The following MAN2A2 variants were observed in gnomAD, a reference collection of about 807,000 sequenced individuals.
MAN2A2 encodes mannosidase alpha class 2A member 2, also known as alpha-mannosidase 2x.
In MAN2A2, 79 loss-of-function variants were observed where a neutral mutation model predicts 126.8. That is an observed-to-expected ratio of 0.62 (90% CI 0.52 to 0.75). The LOEUF is 0.75. Among genes scored for constraint, MAN2A2 ranks in the 30% least tolerant of loss-of-function variants. The pLI is 0.00. For missense variants in MAN2A2, 1,392 were observed against 1,522.4 expected (o/e 0.91, Z 1.43); for synonymous variants, 671 against 618.7 (o/e 1.08, Z -1.25).
Position 90,918,741 on chromosome 15 carries a change from A to G in MAN2A2, c.3286A>G (p.Thr1096Ala), listed in dbSNP as rs780261401. 6.6e-7 allele frequency: 1 copy of G among 1,521,368 alleles called. No individual in the cohort carries two copies. The highest frequency in any genetic ancestry group is 9.1e-7 in the Non-Finnish European group (1 of 1,096,212). 94.2% of individuals were successfully genotyped at this position (1,521,368 alleles called of 1,614,324 possible). A position where few individuals can be genotyped will look rare whatever the true frequency, so the allele number is the denominator to read the frequency against. Residue 1096 changes from threonine to alanine, a missense_variant, in exon 22 of 23, where the codon ACA becomes GCA. By Grantham distance (58) the Thr-to-Ala change is moderately conservative (BLOSUM62 0). Coordinates refer to ENST00000559717, the MANE Select transcript of MAN2A2 (RefSeq NM_006122.4). ...CAAGAACTTGGGCTTCAACTGCACC[A>G]CAAGCCAAGGCAAGGTGAGTAGGGT... The part of the protein sequence containing the change: ...EAKNLGFNCT[T>A]SQGKVALGSL...
rs1375022800 is a variant in MAN2A2 at position 90,903,303 on chromosome 15, G to C, written c.-148G>C. The C allele has an allele frequency of 2.0e-5, 3 of 152,418 alleles. No individual in the cohort carries two copies. The highest frequency in any genetic ancestry group is 4.4e-5 in the Non-Finnish European group (3 of 68,178). 9.4% of individuals were successfully genotyped at this position (152,418 alleles called of 1,614,324 possible). A position where few individuals can be genotyped will look rare whatever the true frequency, so the allele number is the denominator to read the frequency against. On this transcript the variant is annotated 5_prime_UTR_variant, in exon 1 of 23. Coordinates refer to ENST00000559717, the MANE Select transcript of MAN2A2 (RefSeq NM_006122.4). The stretch of plus-strand genomic sequence containing the variant: ...GCCCGGAAGCTCCCGAGCAGAATCA[G>C]ATCGCGCTAAGTAGGGCACAACGCA...
At chr15:90,915,805 G>A (rs778616560) in intron 19 of MAN2A2, among the ~76,000 whole-genome samples, 10 of 152,230 alleles carry the variant, frequency 6.6e-5, no homozygotes, top group Admixed American at 2.6e-4. Flanking sequence ...TATGTAACCC[G>A]TCCTGATTCG....
At chr15:90,917,759 AGCCAG>A (rs888958094) in intron 20 of MAN2A2, 1 of 162,522 alleles carries the variant, frequency 6.2e-6, no homozygotes, top group African/African-American at 2.4e-5. Flanking sequence ...TGGGCCTGAG[AGCCAG>A]GCTGGCACTG....
intron 1 of MAN2A2, chr15:90,903,664 A>G (rs1567112886): frequency 1.3e-5 from 3 of 226,744 alleles, no homozygotes; most frequent in Non-Finnish European, 1.8e-5. Context: ...AAACACAAGC[A>G]TCTTTCTTCT....
In MAN2A2 at chr15:90,918,275, C is replaced by G. The variant is rs1343969306; in HGVS notation, c.3076C>G (p.Leu1026Val). The G allele has an allele frequency of 2.5e-6, 4 of 1,614,088 alleles. No homozygotes were observed. Among genetic ancestry groups the G allele is most frequent in the Non-Finnish European group, 2.5e-6 (3 of 1,180,026 alleles). ...SMYLNAPALA[L>V]PVARMQLPGP... ...GTACCTGAACGCCCCGGCGCTCGCTCTGCCTGTAGCCAGGATGCAGCTCCC... is the reference window on the plus strand; with the variant it reads ...GTACCTGAACGCCCCGGCGCTCGCTGTGCCTGTAGCCAGGATGCAGCTCCC... Residue 1026 changes from leucine (L) to valine (V), a missense_variant, in exon 21 of 23, where the codon CTG (leucine) becomes GTG (valine). Physicochemically the swap from Leu to Val is conservative, Grantham distance 32. Coordinates refer to ENST00000559717, the MANE Select transcript of MAN2A2 (RefSeq NM_006122.4).
At chr15:90,912,720 C>A (rs577346692) in intron 16 of MAN2A2, 56 bp downstream of exon 16, 2 of 1,609,522 alleles carry the variant, frequency 1.2e-6, no homozygotes, top group East Asian at 2.2e-5. Context: ...GGGCACAGGC[C>A]TTCCCACAGG....
At position 90,911,476 on chromosome 15, in the gene MAN2A2, G is replaced by C; in HGVS notation, c.2035G>C (p.Glu679Gln). 3.1e-6 allele frequency: 5 copies of C among 1,614,210 alleles called. No individual in the cohort carries two copies. Among genetic ancestry groups the C allele is most frequent in the Non-Finnish European group, 2.5e-6 (3 of 1,180,046 alleles). Reference protein sequence around the residue: ...NSPRVRVLSEEGQPLAVQISA... With the variant: ...NSPRVRVLSEQGQPLAVQISA... ...TCCCCGCGTGCGTGTCCTTTCGGAG[G>C]AGGGTCAGCCCCTGGCCGTGCAGAT... Residue 679 changes from glutamate (E) to glutamine (Q), a missense_variant, in exon 14 of 23, where the codon GAG becomes CAG. Transcript: ENST00000559717.
chr15:90,917,855 G>A (rs904601418), intron 20 of MAN2A2: 2 of 235,242 alleles, frequency 8.5e-6, no homozygotes, highest in South Asian at 8.2e-5. Context: ...TGAGGCCTGC[G>A]TCTGCCTGGC....
At chr15:90,916,449 C>A in intron 20 of MAN2A2, 193 bp downstream of exon 20, 1 of 1,085,234 alleles carries the variant, frequency 9.2e-7, no homozygotes. Flanking sequence ...CCTTCCTCTC[C>A]CAGCAGCGCT....
In MAN2A2 at chr15:90,907,298, G is replaced by T; in HGVS notation, c.1010-11G>T. 1.2e-6 allele frequency: 2 copies of T among 1,611,420 alleles called. No homozygotes were observed. The highest frequency in any genetic ancestry group is 1.3e-5 in the African/African-American group (1 of 75,020). ...CCTGCTGGTGGTGACCACGTGGTGT[G>T]TCTCCTGCAGACTCGGACTCCAGCA... On this transcript the variant is annotated splice_polypyrimidine_tract_variant and intron_variant, in intron 7 of 22. Coordinates refer to ENST00000559717, the MANE Select transcript of MAN2A2 (RefSeq NM_006122.4).
rs370269499 is a variant in MAN2A2 at position 90,905,265 on chromosome 15, G to A, written c.147G>A (p.Val49=). The change falls in exon 3 of 23, where the codon GTG becomes GTA. Residue 49 remains valine (V), a synonymous_variant. Transcript: ENST00000559717. The stretch of plus-strand genomic sequence containing the variant: ...TTTTTTGGCAGAGCCAAATTTCTGT[G>A]CTGCAGAACCGCATTGAGCAGCTGG... ...GGNFPRSQIS[V]LQNRIEQLEQ... is the part of the protein sequence containing the mutation. 3 of 1,612,680 alleles carry A rather than the reference G, an allele frequency of 1.9e-6. No homozygotes were observed. Among genetic ancestry groups the A allele is most frequent in the Non-Finnish European group, 1.7e-6 (2 of 1,179,986 alleles).
chr15:90,904,338 G>GGGTGAGTC lies in MAN2A2; in HGVS notation c.132+1_132+8dup. 1 of 1,613,262 alleles carries GGGTGAGTC rather than the reference G, an allele frequency of 6.2e-7. No individual in the cohort carries two copies. Among genetic ancestry groups the GGGTGAGTC allele is most frequent in the Non-Finnish European group, 8.5e-7 (1 of 1,179,332 alleles). On this transcript the variant is annotated frameshift_variant and splice_region_variant, in exon 2 of 23. Transcript: ENST00000559717. LOFTEE classifies it high-confidence loss of function. ...CACCAGAATGGTGGGAACTTCCCCCGGGTGAGTCGTGCCTGGTTGCTAATT... is the reference window on the plus strand; with the variant it reads ...CACCAGAATGGTGGGAACTTCCCCCGGGTGAGTCGGTGAGTCGTGCCTGGTTGCTAATT...
chr15:90,916,179 G>A lies in MAN2A2; in HGVS notation c.2917G>A (p.Gly973Ser). Reference sequence around the variant, plus strand: ...GATGCAGGATGACAACCGGGGCCTAGGCCAAGGGCTCAAGGACAACAAGAG... The same window carrying A: ...GATGCAGGATGACAACCGGGGCCTAAGCCAAGGGCTCAAGGACAACAAGAG... ...RLMQDDNRGL[G>S]QGLKDNKRTC... Residue 973 changes from glycine to serine, a missense_variant, in exon 20 of 23, where the codon GGC becomes AGC. Coordinates refer to ENST00000559717, the MANE Select transcript of MAN2A2 (RefSeq NM_006122.4). 6.2e-7 allele frequency: 1 copy of A among 1,614,146 alleles called. No individual in the cohort carries two copies. Among genetic ancestry groups the A allele is most frequent in the Non-Finnish European group, 8.5e-7 (1 of 1,180,036 alleles).
rs552999286 is a variant in MAN2A2, at chr15:90,909,185, T to C, written c.1197-142T>C. 1.9e-4 allele frequency: 129 copies of C among 674,506 alleles called. No individual in the cohort carries two copies. The African/African-American group carries it at 2.1e-3, about 11-fold the overall frequency. The allele number at this position is 674,506 out of a possible 1,614,324, so 41.8% of individuals were successfully genotyped here. On this transcript the variant is annotated intron_variant, in intron 8 of 22. Coordinates refer to ENST00000559717, the MANE Select transcript of MAN2A2 (RefSeq NM_006122.4). ...CGGACTCCCCTGGGGCTGGGATTCA[T>C]GTGCAGGAGGTGTCTGTTTGCGCTG...
chr15:90,909,713 C>T (rs2034577506), intron 9 of MAN2A2, among the ~76,000 whole-genome samples: 1 of 151,936 alleles, frequency 6.6e-6, no homozygotes, highest in African/African-American at 2.4e-5. Flanking sequence ...ACGCCAGTCT[C>T]CTGCCTCAGC....
Position 90,910,139 on chromosome 15 carries a change from CA to C in MAN2A2, c.1425del (p.Val477TrpfsTer13), listed in dbSNP as rs1250737844. 1 of 1,614,002 alleles carries C rather than the reference CA, an allele frequency of 6.2e-7. No individual in the cohort carries two copies. Among genetic ancestry groups the C allele is most frequent in the Non-Finnish European group, 8.5e-7 (1 of 1,180,006 alleles). On this transcript the variant is annotated frameshift_variant, in exon 10 of 23. Transcript: ENST00000559717. LOFTEE classifies it high-confidence loss of function. ...TATTTTGATGCCCTGTACAAGAGGA[CA>C]GGGGTGGAGCCAGGGGCCCGGCCTC... ...SDYFDALYKR[T>X]GVEPGARPPG...
At chr15:90,909,795 G>T (rs189510055) in intron 9 of MAN2A2, among the ~76,000 whole-genome samples, 15 of 152,228 alleles carry the variant, frequency 9.9e-5, no homozygotes, top group African/African-American at 3.4e-4. Flanking sequence ...AGTAGAGATG[G>T]GGTTTCACTG....
intron 22 of MAN2A2, among the ~76,000 whole-genome samples, chr15:90,919,108 T>G (rs912116882): frequency 2.0e-5 from 3 of 152,214 alleles, no homozygotes; most frequent in African/African-American, 7.2e-5. Flanking sequence ...CTCCAGTGTT[T>G]CAGAAGTGAA....
Position 90,911,537 on chromosome 15 carries a change from C to T in MAN2A2, c.2096C>T (p.Pro699Leu), listed in dbSNP as rs147705983. 7.3e-5 allele frequency: 118 copies of T among 1,612,344 alleles called. No individual in the cohort carries two copies. Among genetic ancestry groups the T allele is most frequent in the Non-Finnish European group, 9.6e-5 (113 of 1,179,392 alleles). The change falls in exon 14 of 23, where the codon CCT (proline) becomes CTT (leucine). Residue 699 changes from proline (P) to leucine (L), a missense_variant. Pro to Leu is a moderately conservative substitution (Grantham distance 98). Coordinates refer to ENST00000559717, the MANE Select transcript of MAN2A2 (RefSeq NM_006122.4). ...TGGAGCTCTGCCACCGAGGCGGTCC[C>T]TGACGTCTACCAGGTGAGGTGTGGG... ...AHWSSATEAV[P>L]DVYQVSVPVR...
Sources: gnomAD v4.1 joint callset for allele counts (sites outside exome capture counted in the v4.1 genomes callset) on GRCh38, gnomAD v4.1.1 for gene constraint, MANE v1.5 for transcripts, NCBI Gene and HGNC (gene_info 2026-07-23, HGNC 2026-07-21) for gene names.